PDE3A: variants seen among roughly 807,000 people sequenced by gnomAD.
PDE3A encodes cGMP-inhibited 3',5'-cyclic phosphodiesterase 3A.
Under a neutral mutation model 98.3 loss-of-function variants are expected in PDE3A, and 43 were observed. That is an observed-to-expected ratio of 0.44 (90% confidence interval 0.34 to 0.56). The LOEUF is 0.56. PDE3A is among the 20% of genes least tolerant of loss of function. PDE3A has a pLI of 0.01. For synonymous variants in PDE3A, 663 were observed against 567.9 expected, an observed-to-expected ratio of 1.17 and a Z score of -2.38; for missense variants, 1,427 against 1,440.7, an observed-to-expected ratio of 0.99 and a Z score of 0.15.
At chr12:20,429,395 G>C (rs1944657034) in intron 1 of PDE3A, among the ~76,000 whole-genome samples, 1 of 152,166 alleles carries the variant, frequency 6.6e-6, no homozygotes, top group South Asian at 2.1e-4. Flanking sequence ...TTCCCTGGGA[G>C]AGTGCTGCAG....
intron 1 of PDE3A, among the ~76,000 whole-genome samples, chr12:20,422,143 G>A (rs375941509): frequency 2.0e-5 from 3 of 152,088 alleles, no homozygotes; most frequent in African/African-American, 4.8e-5. Flanking sequence ...TCAGGAGATC[G>A]AGACCATCCT....
intron 10 of PDE3A, among the ~76,000 whole-genome samples, chr12:20,641,793 T>A (rs977778162): frequency 6.6e-6 from 1 of 152,168 alleles, no homozygotes; most frequent in Admixed American, 6.5e-5. Context: ...TTTTTACCCC[T>A]GAAATAGTGG....
intron 1 of PDE3A, among the ~76,000 whole-genome samples, chr12:20,522,152 G>A (rs916629204): frequency 6.6e-6 from 1 of 152,106 alleles, no homozygotes; most frequent in African/African-American, 2.4e-5. Flanking sequence ...GTCATTCTAA[G>A]GGTTTGCTTA....
rs184718272 is a variant in PDE3A, at chr12:20,555,260, C to T, written c.961-1400C>T. ...AACTCCTCACCACAGGAAATCCGCCCGCCTTGGCTTCCCTAAATACTAGGA... is the reference window on the plus strand; with the variant it reads ...AACTCCTCACCACAGGAAATCCGCCTGCCTTGGCTTCCCTAAATACTAGGA... On this transcript the variant is annotated intron_variant, in intron 1 of 15. Coordinates refer to ENST00000359062, the MANE Select transcript of PDE3A (RefSeq NM_000921.5). 1.8e-3 allele frequency among the ~76,000 whole-genome samples: 277 copies of T among 152,292 alleles called. 2 individuals are homozygous for T. The highest frequency in any genetic ancestry group is 0.01 in the Middle Eastern group (3 of 294).
chr12:20,570,197 A>G (rs572845384), intron 2 of PDE3A, among the ~76,000 whole-genome samples: 1 of 152,150 alleles, frequency 6.6e-6, no homozygotes, highest in East Asian at 1.9e-4. Context: ...ACTTGAGGCC[A>G]GTGATTTGAG....
intron 1 of PDE3A, among the ~76,000 whole-genome samples, chr12:20,448,482 C>A (rs1945000122): frequency 6.6e-6 from 1 of 152,098 alleles, no homozygotes; most frequent in Non-Finnish European, 1.5e-5. Flanking sequence ...TTGTAACCTA[C>A]AAAAATTCTG....
chr12:20,569,819 G>T (rs182166502), intron 2 of PDE3A, among the ~76,000 whole-genome samples: 18 of 152,246 alleles, frequency 1.2e-4, no homozygotes, highest in East Asian at 9.7e-4. Context: ...TAAGAATCTG[G>T]ATTGACGTCA....
chr12:20,411,457 G>A (rs1412272393), intron 1 of PDE3A, among the ~76,000 whole-genome samples: 2 of 152,162 alleles, frequency 1.3e-5, no homozygotes, highest in East Asian at 3.9e-4. Context: ...AGGTTTATGT[G>A]TATTGTAGCA....
chr12:20,526,854 T>C lies in PDE3A; in HGVS notation c.961-29806T>C, dbSNP rs376413744. On this transcript the variant is annotated intron_variant, in intron 1 of 15. Coordinates refer to ENST00000359062, the MANE Select transcript of PDE3A (RefSeq NM_000921.5). ...CTGTGAAGCTAATAAAACATCTTCA[T>C]GTTTTAAGGCCATTAGGAGACATTT... is the stretch of plus-strand genomic sequence containing the variant. 1.1e-4 allele frequency among the ~76,000 whole-genome samples: 17 copies of C among 151,890 alleles called. 1 individual carries two copies. Among genetic ancestry groups the C allele is most frequent in the Admixed American group, 7.2e-4 (11 of 15,252 alleles).
intron 1 of PDE3A, among the ~76,000 whole-genome samples, chr12:20,428,789 C>CA: frequency 6.6e-6 from 1 of 151,910 alleles, no homozygotes; most frequent in Non-Finnish European, 1.5e-5. Context: ...AGAAGTAGGT[C>CA]AAAAAAGGAC....
At chr12:20,633,547 C>G (rs1004287271) in intron 6 of PDE3A, 146 bp from the exon 7 acceptor site, 3 of 497,076 alleles carry the variant, frequency 6.0e-6, no homozygotes, top group Non-Finnish European at 1.1e-5. Flanking sequence ...ATGTATCAAA[C>G]AAAATGCATA....
intron 1 of PDE3A, among the ~76,000 whole-genome samples, chr12:20,506,667 T>C (rs1946125392): frequency 6.6e-6 from 1 of 152,030 alleles, no homozygotes; most frequent in South Asian, 2.1e-4. Flanking sequence ...GTTAACCTGG[T>C]TAATTGTCTA....
chr12:20,583,892 A>G (rs1943131151), intron 2 of PDE3A, among the ~76,000 whole-genome samples: 1 of 152,188 alleles, frequency 6.6e-6, no homozygotes, highest in Admixed American at 6.5e-5. Flanking sequence ...TAGAACAGGA[A>G]AGCTGTTCCA....
intron 1 of PDE3A, among the ~76,000 whole-genome samples, chr12:20,488,586 A>G (rs144444625): frequency 1.3e-5 from 2 of 152,252 alleles, no homozygotes; most frequent in Non-Finnish European, 2.9e-5. Context: ...TAATCCCAGC[A>G]CTATGGGAGG....
intron 1 of PDE3A, among the ~76,000 whole-genome samples, chr12:20,515,203 C>T (rs1946295117): frequency 6.6e-6 from 1 of 152,208 alleles, no homozygotes; most frequent in South Asian, 2.1e-4. Context: ...CAAACCATAG[C>T]ACTTTATTAG....
intron 2 of PDE3A, among the ~76,000 whole-genome samples, chr12:20,567,588 C>T (rs1942693552): frequency 6.6e-6 from 1 of 151,912 alleles, no homozygotes; most frequent in African/African-American, 2.4e-5. Context: ...AACATGTGTT[C>T]TCATTCTCTA....
At chr12:20,432,750 C>T (rs971102514) in intron 1 of PDE3A, among the ~76,000 whole-genome samples, 1 of 152,002 alleles carries the variant, frequency 6.6e-6, no homozygotes, top group African/African-American at 2.4e-5. Flanking sequence ...TTTTTAAAAC[C>T]TGTGTTACAT....
chr12:20,651,770 T>TGTTA (rs1944924412), intron 14 of PDE3A, among the ~76,000 whole-genome samples: 1 of 150,892 alleles, frequency 6.6e-6, no homozygotes, highest in African/African-American at 2.4e-5. Flanking sequence ...ATGAAAGATT[T>TGTTA]TTTTTATTTT....
At chr12:20,426,171 A>G (rs945882969) in intron 1 of PDE3A, among the ~76,000 whole-genome samples, 3 of 152,182 alleles carry the variant, frequency 2.0e-5, no homozygotes, top group Admixed American at 2.0e-4. Context: ...GTAACAAACT[A>G]TAGTGGATTA....
Sources: allele counts gnomAD v4.1 joint callset (sites outside exome capture counted in the v4.1 genomes callset), GRCh38; gene constraint gnomAD v4.1.1; transcripts MANE v1.5; gene names NCBI Gene and HGNC (gene_info 2026-07-23, HGNC 2026-07-21).